NPC1L1: variants seen among roughly 807,000 people sequenced by gnomAD.
NPC1L1 encodes the protein NPC1-like intracellular cholesterol transporter 1.
A neutral mutation model predicts 117.0 loss-of-function variants in NPC1L1; 98 were observed. That is an observed-to-expected ratio of 0.84 (90% confidence interval 0.71 to 0.99). NPC1L1 has a LOEUF of 0.99. Ranked by LOEUF, NPC1L1 falls within the 50% of genes least tolerant of loss-of-function variation. The pLI is 0.00. For missense variants in NPC1L1, 1,540 were observed against 1,710.0 expected, an observed-to-expected ratio of 0.90 and a Z score of 1.75; for synonymous variants, 729 against 727.6, an observed-to-expected ratio of 1.00 and a Z score of -0.03.
rs754960204 is a variant in NPC1L1, at chr7:44,533,813, A to G, written c.2207T>C (p.Ile736Thr). 39 of 1,613,560 alleles carry G rather than the reference A, an allele frequency of 2.4e-5. No homozygotes were observed. The highest frequency in any genetic ancestry group is 1.1e-4 in the African/African-American group (8 of 74,948). The stretch of plus-strand genomic sequence containing the variant: ...AGCCACCCTGCCTAGGGCTCGCCCA[A>G]TGTGGACCTCTCGTGGCTCCCCAGG... ...RRPGEPREVH[I>T]GRALGRVAPS... Residue 736 changes from isoleucine (I) to threonine (T), a missense_variant, in exon 7 of 19, where the codon ATT (isoleucine) becomes ACT (threonine). Around this residue, in one of 3 missense-constraint regions of NPC1L1, gnomAD observed 742 missense variants for 873.6 expected, o/e 0.85. Transcript: ENST00000381160.
chr7:44,537,880 G>C (rs1210424044), intron 2 of NPC1L1, among the ~76,000 whole-genome samples: 1 of 152,162 alleles, frequency 6.6e-6, no homozygotes, highest in Non-Finnish European at 1.5e-5. Flanking sequence ...GAGAGCCCTT[G>C]GGTTCCTGGC....
In NPC1L1 at chr7:44,522,212, G is replaced by A; in HGVS notation, c.2668C>T (p.Leu890=). The change falls in exon 11 of 19, where the codon CTG becomes TTG. Residue 890 remains leucine (L), a synonymous_variant. Coordinates refer to ENST00000381160, the MANE Select transcript of NPC1L1 (RefSeq NM_001101648.2). ...GCCCCCACCTCGAAGTAGCGGTTCA[G>A]AAAGAGGAAATAGTCAAGCAGGTAC... ...DSYLLDYFLF[L]NRYFEVGAPV... The A allele has an allele frequency of 6.2e-7, 1 of 1,613,766 alleles. No individual in the cohort carries two copies. The highest frequency in any genetic ancestry group is 8.5e-7 in the Non-Finnish European group (1 of 1,179,862).
At chr7:44,535,662 T>A (rs1801859221) in intron 5 of NPC1L1, among the ~76,000 whole-genome samples, 178 bp downstream of exon 5, 1 of 151,864 alleles carries the variant, frequency 6.6e-6, no homozygotes, top group South Asian at 2.1e-4. Context: ...GAAAAGAAAA[T>A]TGCTCTTGAC....
At chr7:44,530,072 T>A (rs999436906) in intron 10 of NPC1L1, among the ~76,000 whole-genome samples, 1 of 148,826 alleles carries the variant, frequency 6.7e-6, no homozygotes, top group African/African-American at 2.5e-5. Context: ...GTGCGGTGGC[T>A]CACACCTGTA....
At chr7:44,537,923 G>A (rs898733144) in intron 2 of NPC1L1, among the ~76,000 whole-genome samples, 2 of 152,240 alleles carry the variant, frequency 1.3e-5, no homozygotes, top group Non-Finnish European at 2.9e-5. Context: ...CAAACTTGGG[G>A]CCCAGCTGAG....
At chr7:44,526,748 G>T (rs1215149755) in intron 10 of NPC1L1, among the ~76,000 whole-genome samples, 1 of 152,162 alleles carries the variant, frequency 6.6e-6, no homozygotes, top group East Asian at 1.9e-4. Flanking sequence ...AATGGGCCGG[G>T]CACAGTGGCT....
At position 44,522,034 on chromosome 7, in the gene NPC1L1, G is replaced by C; in HGVS notation, c.2828+18C>G. 1.2e-6 allele frequency: 2 copies of C among 1,613,070 alleles called. No homozygotes were observed. The highest frequency in any genetic ancestry group is 1.7e-6 in the Non-Finnish European group (2 of 1,179,536). On this transcript the variant is annotated intron_variant, in intron 11 of 18. Transcript: ENST00000381160. ...AAACAGGGAGTAGGCTGGGGTTTGG[G>C]GCGGGCCAGGAACTCACTGCTCAGG...
chr7:44,521,845 C>T lies in NPC1L1; in HGVS notation c.2829-9G>A. On this transcript the variant is annotated splice_polypyrimidine_tract_variant and intron_variant, in intron 11 of 18. Transcript: ENST00000381160. ...GGATGGCCAGGTAAGACCTAAGGGG[C>T]AGGTGGGAGGAAGGGTGAAAAGGCC... The T allele has an allele frequency of 6.2e-7, 1 of 1,614,018 alleles. No homozygotes were observed. Among genetic ancestry groups the T allele is most frequent in the South Asian group, 1.1e-5 (1 of 91,068 alleles).
At chr7:44,530,199 G>A (rs559933047) in intron 10 of NPC1L1, among the ~76,000 whole-genome samples, 61 of 152,254 alleles carry the variant, frequency 4.0e-4, no homozygotes, top group African/African-American at 1.3e-3. Flanking sequence ...TTAGCTGGGC[G>A]TGGTGGCGGC....
At chr7:44,522,858 G>T (rs1158210219) in intron 10 of NPC1L1, among the ~76,000 whole-genome samples, 2 of 151,200 alleles carry the variant, frequency 1.3e-5, no homozygotes, top group African/African-American at 4.9e-5. Context: ...AAGCTGGCCT[G>T]TGACAACGGC....
chr7:44,523,273 C>G (rs1375734355), intron 10 of NPC1L1, among the ~76,000 whole-genome samples: 1 of 152,144 alleles, frequency 6.6e-6, no homozygotes, highest in East Asian at 1.9e-4. Flanking sequence ...CCAGGCTTGT[C>G]TCAAACTCCT....
In NPC1L1 at chr7:44,539,998, C is replaced by G. The variant is rs1288061734; in HGVS notation, c.399G>C (p.Gln133His). The change falls in exon 2 of 19, where the codon CAG becomes CAC. Residue 133 changes from glutamine (Q) to histidine (H), a missense_variant. Physicochemically the swap from Gln to His is conservative, Grantham distance 24. Coordinates refer to ENST00000381160, the MANE Select transcript of NPC1L1 (RefSeq NM_001101648.2). The surrounding 1 kb of genome is among the most constrained non-coding windows in gnomAD (Gnocchi z 4.4). ...CGCGGGTCACATTGATGAAGAGGCT[C>G]TGATTGGGGCTGCACGTGTTGTGGC... ...LHCHNTCSPNQSLFINVTRVA... is the reference protein window; with the variant it reads ...LHCHNTCSPNHSLFINVTRVA... The G allele has an allele frequency of 5.6e-6, 9 of 1,614,226 alleles. No homozygotes were observed. In the South Asian group the frequency reaches 9.9e-5, roughly 18 times the overall value.
In NPC1L1 at chr7:44,539,903, G is replaced by A. The variant is rs1425452765; in HGVS notation, c.494C>T (p.Ala165Val). ...GCTGCAGGAGTCATAGCTCTGCTCGGCAAAGCTATGCTGGTAGAAGGCCTC... is the reference window on the plus strand; with the variant it reads ...GCTGCAGGAGTCATAGCTCTGCTCGACAAAGCTATGCTGGTAGAAGGCCTC... ...AYEAFYQHSF[A>V]EQSYDSCSRV... The change falls in exon 2 of 19, where the codon GCC becomes GTC. Residue 165 changes from alanine (A) to valine (V), a missense_variant. By Grantham distance (64) the Ala-to-Val change is moderately conservative. Transcript: ENST00000381160. This position sits in a 1 kb window ranked among gnomAD's most constrained non-coding sequence, Gnocchi z 4.4. The A allele has an allele frequency of 6.2e-7, 1 of 1,614,148 alleles. No homozygotes were observed. The highest frequency in any genetic ancestry group is 8.5e-7 in the Non-Finnish European group (1 of 1,180,038).
At chr7:44,514,828 C>A (rs1801135462) in intron 18 of NPC1L1, among the ~76,000 whole-genome samples, 2 of 151,754 alleles carry the variant, frequency 1.3e-5, no homozygotes, top group South Asian at 2.1e-4. Flanking sequence ...ATGGTGAAAC[C>A]CCGTCTCTAC....
chr7:44,518,169 T>C (rs1036083321), intron 14 of NPC1L1, among the ~76,000 whole-genome samples: 3 of 151,864 alleles, frequency 2.0e-5, no homozygotes, highest in African/African-American at 7.3e-5. Flanking sequence ...TAAAGGGTTT[T>C]TTGTTCTTGT....
At chr7:44,531,296 C>A (rs1233722390) in intron 10 of NPC1L1, among the ~76,000 whole-genome samples, 1 of 152,246 alleles carries the variant, frequency 6.6e-6, no homozygotes, top group East Asian at 1.9e-4. Context: ...AGGAAACACA[C>A]CTGGGCTCAC....
intron 16 of NPC1L1, 57 bp downstream of exon 16, chr7:44,516,646 G>T: frequency 7.4e-7 from 1 of 1,354,208 alleles, no homozygotes; most frequent in Non-Finnish European, 1.0e-6. Flanking sequence ...ATTCTATGAG[G>T]CTGGATCCCC....
intron 5 of NPC1L1, 75 bp downstream of exon 5, chr7:44,535,765 A>G: frequency 6.2e-7 from 1 of 1,604,838 alleles, no homozygotes; most frequent in Non-Finnish European, 8.5e-7. Context: ...GTGGTTAGGA[A>G]AGTTGTAGAA....
intron 10 of NPC1L1, among the ~76,000 whole-genome samples, chr7:44,530,894 C>A (rs533973742): frequency 6.6e-6 from 1 of 152,198 alleles, no homozygotes; most frequent in Non-Finnish European, 1.5e-5. Flanking sequence ...CACACCTACC[C>A]CAGCCGCACC....
Sources: allele counts gnomAD v4.1 joint callset (sites outside exome capture counted in the v4.1 genomes callset), GRCh38; gene constraint gnomAD v4.1.1; regional missense constraint gnomAD v4.1.1; non-coding constraint Gnocchi (gnomAD v3.1); transcripts MANE v1.5; gene names NCBI Gene and HGNC (gene_info 2026-07-23, HGNC 2026-07-21).